Variants in TM4SF20 observed in about 807,000 individuals in gnomAD.
TM4SF20 encodes the protein transmembrane 4 L6 family member 20.
Under a neutral mutation model 15.1 loss-of-function variants are expected in TM4SF20, and 13 were observed. That is an observed-to-expected ratio of 0.86 (90% confidence interval 0.56 to 1.36). TM4SF20 has a LOEUF of 1.36. TM4SF20 is among the 40% of genes most tolerant of loss of function. The probability of loss-of-function intolerance (pLI) is 0.00; values close to 1 mark genes in which losing one functional copy is unlikely to be tolerated. For missense variants in TM4SF20, 282 were observed against 268.4 expected (o/e 1.05, Z -0.35); for synonymous variants, 92 against 96.6 (o/e 0.95, Z 0.28).
upstream of TM4SF20, among the ~76,000 whole-genome samples, chr2:227,380,659 C>T (rs545501473): frequency 4.6e-5 from 7 of 152,342 alleles, 1 homozygote; most frequent in Non-Finnish European, 1.0e-4. Flanking sequence ...CATTAGGCAG[C>T]TCTAATCTCT....
chr2:227,378,060 A>ACTCTCT (rs370675463), intron 1 of TM4SF20, among the ~76,000 whole-genome samples: 53 of 147,450 alleles, frequency 3.6e-4, no homozygotes, highest in South Asian at 3.2e-3. Flanking sequence ...CTTACAGCTT[A>ACTCTCT]CTCTCTCTCT....
chr2:227,373,178 C>G (rs1224712640), intron 1 of TM4SF20, among the ~76,000 whole-genome samples: 1 of 152,200 alleles, frequency 6.6e-6, no homozygotes, highest in Non-Finnish European at 1.5e-5. Flanking sequence ...CCACATCTGC[C>G]TTTATTCTTT....
intron 3 of TM4SF20, among the ~76,000 whole-genome samples, chr2:227,364,383 A>ACCCCCCCCCCCCCCCCC (rs1315331304): frequency 7.0e-6 from 1 of 143,444 alleles, no homozygotes; most frequent in African/African-American, 2.8e-5. Context: ...AGCCTCCCCT[A>ACCCCCCCCCCCCCCCCC]CCCCCCGCCA....
chr2:227,374,172 T>G (rs1039718805), intron 1 of TM4SF20, among the ~76,000 whole-genome samples: 1 of 151,464 alleles, frequency 6.6e-6, no homozygotes, highest in Non-Finnish European at 1.5e-5. Context: ...TGATGCAAAC[T>G]GAACTCTGGT....
At chr2:227,373,322 C>G (rs2106493748) in intron 1 of TM4SF20, among the ~76,000 whole-genome samples, 1 of 152,306 alleles carries the variant, frequency 6.6e-6, no homozygotes, top group Middle Eastern at 3.4e-3. Context: ...TTGAACACCA[C>G]CACCCTCCTT....
At chr2:227,369,365 C>T (rs6724955) in intron 2 of TM4SF20, among the ~76,000 whole-genome samples, 13 of 150,658 alleles carry the variant, frequency 8.6e-5, no homozygotes, top group Middle Eastern at 3.2e-3. Flanking sequence ...GAATCTCTGG[C>T]GGCCACCCAG....
intron 1 of TM4SF20, among the ~76,000 whole-genome samples, chr2:227,376,260 G>A (rs2076450104): frequency 2.6e-5 from 4 of 152,172 alleles, no homozygotes; most frequent in African/African-American, 9.7e-5. Flanking sequence ...CTTATCACAG[G>A]CAGTGATTTC....
chr2:227,377,495 G>A (rs2076456818), intron 1 of TM4SF20, among the ~76,000 whole-genome samples: 1 of 152,222 alleles, frequency 6.6e-6, no homozygotes, highest in Non-Finnish European at 1.5e-5. Flanking sequence ...ACCTAAAGCA[G>A]AGGAACAGAT....
rs145655486 is a variant in TM4SF20 at position 227,374,488 on chromosome 2, T to C, written c.184-3508A>G. On this transcript the variant is annotated intron_variant, in intron 1 of 3. Coordinates refer to ENST00000304568, the MANE Select transcript of TM4SF20 (RefSeq NM_024795.4). ...TATATAAATTTTCCAGATAATCTCC[T>C]GCCAAAATGAGTAATTATGAGAACA... 2.0e-3 allele frequency among the ~76,000 whole-genome samples: 301 copies of C among 152,250 alleles called. 3 individuals carry two copies. Among genetic ancestry groups the C allele is most frequent in the African/African-American group, 6.5e-3 (270 of 41,536 alleles).
At chr2:227,369,167 C>A (rs1041779930) in intron 2 of TM4SF20, among the ~76,000 whole-genome samples, 1 of 151,924 alleles carries the variant, frequency 6.6e-6, no homozygotes, top group African/African-American at 2.4e-5. Context: ...TGTATTCAGA[C>A]AAAAATAGAC....
intron 3 of TM4SF20, among the ~76,000 whole-genome samples, chr2:227,364,383 A>ACCT (rs1553786081): frequency 2.8e-5 from 4 of 143,446 alleles, no homozygotes; most frequent in African/African-American, 1.1e-4. Context: ...AGCCTCCCCT[A>ACCT]CCCCCCGCCA....
At position 227,363,225 on chromosome 2, in the gene TM4SF20, G is replaced by A. The variant is rs896773563; in HGVS notation, c.*499C>T. On this transcript the variant is annotated 3_prime_UTR_variant, in exon 4 of 4. Coordinates refer to ENST00000304568, the MANE Select transcript of TM4SF20 (RefSeq NM_024795.4). Reference sequence around the variant, plus strand: ...AGTCCATGAGTTCGGGACCAGCCTGGGCAATATGGAAAACCCCCATCTCTA... The same window carrying A: ...AGTCCATGAGTTCGGGACCAGCCTGAGCAATATGGAAAACCCCCATCTCTA... 3.3e-5 allele frequency: 5 copies of A among 153,058 alleles called. No individual in the cohort carries two copies. Among genetic ancestry groups the A allele is most frequent in the African/African-American group, 1.2e-4 (5 of 41,384 alleles). 9.5% of individuals were successfully genotyped at this position (153,058 alleles called of 1,614,324 possible). A position where few individuals can be genotyped will look rare whatever the true frequency, so the allele number is the denominator to read the frequency against.
In TM4SF20 at chr2:227,379,137, G is replaced by T; in HGVS notation, c.132C>A (p.Pro44=). The T allele has an allele frequency of 6.2e-7, 1 of 1,614,158 alleles. No individual in the cohort carries two copies. Among genetic ancestry groups the T allele is most frequent in the Non-Finnish European group, 8.5e-7 (1 of 1,180,024 alleles). The change falls in exon 1 of 4, where the codon CCC becomes CCA. Residue 44 remains proline, a synonymous_variant. Transcript: ENST00000304568. ...GGAACCACCACTCAAAGCAAGAGATGGGGTTTTGAGAAAATTGGTCTTCCT... is the reference window on the plus strand; with the variant it reads ...GGAACCACCACTCAAAGCAAGAGATTGGGTTTTGAGAAAATTGGTCTTCCT... ...LVEEDQFSQN[P]ISCFEWWFPG...
At chr2:227,372,919 C>T (rs1235848946) in intron 1 of TM4SF20, among the ~76,000 whole-genome samples, 1 of 151,980 alleles carries the variant, frequency 6.6e-6, no homozygotes, top group Non-Finnish European at 1.5e-5. Context: ...GGGGATTTTG[C>T]CATGTTGCCC....
intron 2 of TM4SF20, among the ~76,000 whole-genome samples, chr2:227,368,552 G>T (rs1057120590): frequency 2.1e-4 from 32 of 151,270 alleles, no homozygotes; most frequent in African/African-American, 7.5e-4. Context: ...TTTTAGTAGA[G>T]ACAGGGTTTC....
chr2:227,368,498 C>T (rs1045366224), intron 2 of TM4SF20, among the ~76,000 whole-genome samples: 6 of 151,662 alleles, frequency 4.0e-5, no homozygotes, highest in Non-Finnish European at 7.4e-5. Context: ...TTACAGATGC[C>T]CGCCACTACA....
At chr2:227,370,311 C>A (rs185066795) in intron 2 of TM4SF20, among the ~76,000 whole-genome samples, 1 of 152,066 alleles carries the variant, frequency 6.6e-6, no homozygotes. Flanking sequence ...CAGCTGTGGG[C>A]GTGACTTACC....
chr2:227,367,976 T>C (rs1390479906), intron 2 of TM4SF20, among the ~76,000 whole-genome samples: 14 of 151,840 alleles, frequency 9.2e-5, no homozygotes, highest in African/African-American at 3.4e-4. Context: ...GTTACTTAAA[T>C]GTACTCATCA....
At chr2:227,365,696 TAG>T (rs531966721) in intron 3 of TM4SF20, among the ~76,000 whole-genome samples, 21 of 152,344 alleles carry the variant, frequency 1.4e-4, no homozygotes, top group African/African-American at 4.6e-4. Context: ...TTCAGAAGTG[TAG>T]AAAGTAAATG....
Sources: gnomAD v4.1 joint callset for allele counts (sites outside exome capture counted in the v4.1 genomes callset) on GRCh38, gnomAD v4.1.1 for gene constraint, MANE v1.5 for transcripts, NCBI Gene and HGNC (gene_info 2026-07-23, HGNC 2026-07-21) for gene names.